Variants in ZNF521 observed in about 807,000 individuals in gnomAD.
ZNF521 encodes the protein LYST-interacting protein 3.
In ZNF521, 14 loss-of-function variants were observed where a neutral mutation model predicts 105.5. The observed-to-expected ratio is 0.13, with a 90% CI of 0.09 to 0.21. The LOEUF (loss-of-function observed/expected upper bound fraction) is 0.21. Among genes scored for constraint, ZNF521 ranks in the 10% least tolerant of loss-of-function variants. ZNF521 has a pLI of 1.00. For synonymous variants in ZNF521, 635 were observed against 606.0 expected (o/e 1.05, Z -0.70); for missense variants, 1,233 against 1,629.7 (o/e 0.76, Z 4.19).
intron 5 of ZNF521, among the ~76,000 whole-genome samples, chr18:25,147,669 A>C (rs1485355861): frequency 6.6e-6 from 1 of 152,218 alleles, no homozygotes; most frequent in African/African-American, 2.4e-5. Flanking sequence ...TCTATAAAAG[A>C]GGCCTATATT....
intron 2 of ZNF521, among the ~76,000 whole-genome samples, chr18:25,344,915 A>G (rs966043754): frequency 3.3e-5 from 5 of 152,220 alleles, no homozygotes; most frequent in African/African-American, 1.2e-4. Flanking sequence ...ATGAATTAAT[A>G]AAACACATTA....
At chr18:25,172,772 G>A (rs535466763) in intron 5 of ZNF521, among the ~76,000 whole-genome samples, 18 of 152,068 alleles carry the variant, frequency 1.2e-4, no homozygotes, top group South Asian at 8.3e-4. Flanking sequence ...AACATACCCC[G>A]TTGACTCCTA....
At chr18:25,186,387 G>T (rs1034704348) in intron 5 of ZNF521, among the ~76,000 whole-genome samples, 4 of 152,230 alleles carry the variant, frequency 2.6e-5, no homozygotes, top group Non-Finnish European at 5.9e-5. Context: ...ATTAATGAAA[G>T]GGTTTCAAAT....
chr18:25,250,211 T>C (rs1908019202), intron 3 of ZNF521, among the ~76,000 whole-genome samples: 1 of 152,248 alleles, frequency 6.6e-6, no homozygotes, highest in Admixed American at 6.5e-5. Context: ...TCATTTTTCA[T>C]TTGTCCATTG....
intron 7 of ZNF521, among the ~76,000 whole-genome samples, chr18:25,067,867 G>GT (rs1432182304): frequency 6.6e-6 from 1 of 152,018 alleles, no homozygotes; most frequent in Non-Finnish European, 1.5e-5. Context: ...AAAATGTTAC[G>GT]TATCAGTGGT....
intron 2 of ZNF521, among the ~76,000 whole-genome samples, chr18:25,333,314 C>G (rs202051260): frequency 0.031 from 4,535 of 145,762 alleles, 103 homozygotes; most frequent in Middle Eastern, 0.059. Flanking sequence ...CTCTCTCTCT[C>G]TATATATATA....
chr18:25,331,266 A>G (rs919977681), intron 2 of ZNF521, among the ~76,000 whole-genome samples: 1 of 152,132 alleles, frequency 6.6e-6, no homozygotes, highest in Non-Finnish European at 1.5e-5. Flanking sequence ...TATTTTTAAT[A>G]TCCAGCTAAT....
At chr18:25,186,976 C>T (rs1441609139) in intron 5 of ZNF521, among the ~76,000 whole-genome samples, 1 of 150,044 alleles carries the variant, frequency 6.7e-6, no homozygotes, top group African/African-American at 2.5e-5. Context: ...GAAGAAAAGT[C>T]ATACTTCTGT....
chr18:25,282,941 T>C (rs181088539), intron 3 of ZNF521, among the ~76,000 whole-genome samples: 5 of 152,302 alleles, frequency 3.3e-5, no homozygotes, highest in Admixed American at 1.3e-4. Context: ...GGGAGCCAGA[T>C]TCAAGTGTTT....
intron 5 of ZNF521, among the ~76,000 whole-genome samples, chr18:25,165,789 T>A (rs2035329244): frequency 6.6e-6 from 1 of 152,222 alleles, no homozygotes; most frequent in Non-Finnish European, 1.5e-5. Flanking sequence ...ATTTTCCATA[T>A]GGTTAATGAG....
At chr18:25,079,072 A>C (rs893843998) in intron 7 of ZNF521, among the ~76,000 whole-genome samples, 1 of 152,182 alleles carries the variant, frequency 6.6e-6, no homozygotes, top group Non-Finnish European at 1.5e-5. Flanking sequence ...CAGGGGTTTG[A>C]TCATTTTGAA....
chr18:25,156,063 T>C (rs1231227761), intron 5 of ZNF521, among the ~76,000 whole-genome samples: 1 of 152,216 alleles, frequency 6.6e-6, no homozygotes, highest in Non-Finnish European at 1.5e-5. Context: ...GATAGTGTAC[T>C]GTACTCAGAA....
At chr18:25,091,398 T>G (rs1460566934) in intron 6 of ZNF521, among the ~76,000 whole-genome samples, 2 of 152,122 alleles carry the variant, frequency 1.3e-5, no homozygotes, top group African/African-American at 4.8e-5. Context: ...CTTAAAAGTA[T>G]AAGTGTAGAT....
chr18:25,260,429 A>T (rs1482652234), intron 3 of ZNF521, among the ~76,000 whole-genome samples: 1 of 152,150 alleles, frequency 6.6e-6, no homozygotes, highest in Non-Finnish European at 1.5e-5. Flanking sequence ...GGTGGGTCGG[A>T]GCATGGGATG....
chr18:25,276,532 G>A (rs1360727573), intron 3 of ZNF521, among the ~76,000 whole-genome samples: 1 of 152,168 alleles, frequency 6.6e-6, no homozygotes, highest in East Asian at 1.9e-4. Flanking sequence ...GACAGAGAAA[G>A]AGCTCACTTA....
intron 5 of ZNF521, among the ~76,000 whole-genome samples, chr18:25,144,396 C>T (rs1204025917): frequency 3.9e-5 from 6 of 152,130 alleles, no homozygotes; most frequent in Non-Finnish European, 5.9e-5. Context: ...TGATAGGGAA[C>T]TTCATTAGTA....
intron 3 of ZNF521, among the ~76,000 whole-genome samples, chr18:25,289,059 C>A (rs375569544): frequency 3.3e-5 from 5 of 152,102 alleles, no homozygotes; most frequent in East Asian, 3.9e-4. Context: ...ATTACAGCAA[C>A]AACATATGGC....
chr18:25,193,619 C>G (rs73407179), intron 5 of ZNF521, among the ~76,000 whole-genome samples: 2,445 of 152,038 alleles, frequency 0.016, 74 homozygotes, highest in African/African-American at 0.056. Flanking sequence ...CTGCTCCTCT[C>G]CTCTAAAAAG....
At chr18:25,190,136 C>T (rs2035792976) in intron 5 of ZNF521, among the ~76,000 whole-genome samples, 1 of 152,118 alleles carries the variant, frequency 6.6e-6, no homozygotes, top group Non-Finnish European at 1.5e-5. Flanking sequence ...ATTAAACTGC[C>T]CAGATTTCAT....
Sources: allele counts gnomAD v4.1 joint callset (sites outside exome capture counted in the v4.1 genomes callset), GRCh38; gene constraint gnomAD v4.1.1; transcripts MANE v1.5; gene names NCBI Gene and HGNC (gene_info 2026-07-23, HGNC 2026-07-21).